The following GNAQ variants were observed in gnomAD, a reference collection of about 807,000 sequenced individuals.
The protein encoded by GNAQ is G protein subunit alpha q.
GNAQ carries 8 observed loss-of-function variants against 43.9 expected under a neutral mutation model. That is an observed-to-expected ratio of 0.18 (90% CI 0.11 to 0.33). The LOEUF (loss-of-function observed/expected upper bound fraction) is 0.33. Among genes scored for constraint, GNAQ ranks in the 10% least tolerant of loss-of-function variants. The probability of loss-of-function intolerance (pLI) is 1.00; values close to 1 mark genes in which losing one functional copy is unlikely to be tolerated. For missense variants in GNAQ, 158 were observed against 450.8 expected (o/e 0.35, Z 5.88); for synonymous variants, 155 against 170.7 (o/e 0.91, Z 0.71).
At chr9:77,765,762 T>C (rs1826125499) in intron 5 of GNAQ, among the ~76,000 whole-genome samples, 1 of 152,168 alleles carries the variant, frequency 6.6e-6, no homozygotes, top group Admixed American at 6.5e-5. Flanking sequence ...TCTGGGTGTA[T>C]ACCCAACAGA....
intron 2 of GNAQ, among the ~76,000 whole-genome samples, chr9:77,857,459 C>T (rs949591272): frequency 7.2e-6 from 1 of 137,940 alleles, no homozygotes; most frequent in African/African-American, 2.7e-5. Context: ...GGGGAGGGAA[C>T]AGGAAGGGAA....
rs757830722 is a variant in GNAQ at position 77,955,547 on chromosome 9, C to G, written c.137-33202G>C. On this transcript the variant is annotated intron_variant, in intron 1 of 6. Transcript: ENST00000286548. ...GCTATACTTTGTGTCTACTCCTATG[C>G]GAAACAAATCTATTAATGCAAAATT... 2.6e-5 allele frequency among the ~76,000 whole-genome samples: 4 copies of G among 152,064 alleles called. No homozygotes were observed. In the South Asian group the frequency reaches 8.3e-4, roughly 32 times the overall value.
chr9:77,993,821 T>A (rs1385396299), intron 1 of GNAQ, among the ~76,000 whole-genome samples: 1 of 152,156 alleles, frequency 6.6e-6, no homozygotes, highest in Non-Finnish European at 1.5e-5. Flanking sequence ...ACTTTAAATA[T>A]ATGAACACAT....
At chr9:77,890,338 A>G (rs1406589366) in intron 2 of GNAQ, among the ~76,000 whole-genome samples, 1 of 152,228 alleles carries the variant, frequency 6.6e-6, no homozygotes, top group Non-Finnish European at 1.5e-5. Flanking sequence ...ATGCCTAAGA[A>G]AGCTTTAGTA....
intron 1 of GNAQ, among the ~76,000 whole-genome samples, chr9:77,960,177 TTG>T (rs370838849): frequency 1.6e-4 from 25 of 152,312 alleles, no homozygotes; most frequent in East Asian, 9.6e-4. Flanking sequence ...CTTTCTTTTA[TTG>T]TGTTTTATTT....
intron 1 of GNAQ, among the ~76,000 whole-genome samples, chr9:77,970,731 A>G (rs536163740): frequency 1.1e-3 from 161 of 152,316 alleles, no homozygotes; most frequent in Non-Finnish European, 2.0e-3. Flanking sequence ...TAAAAGAACC[A>G]TAGACTCAAG....
intron 1 of GNAQ, among the ~76,000 whole-genome samples, chr9:78,004,807 G>A (rs1052370153): frequency 3.3e-5 from 5 of 152,012 alleles, no homozygotes; most frequent in Admixed American, 6.6e-5. Context: ...CACAGAGAGC[G>A]ATGGAGGAAA....
At chr9:77,985,202 G>C (rs1423085601) in intron 1 of GNAQ, among the ~76,000 whole-genome samples, 1 of 152,104 alleles carries the variant, frequency 6.6e-6, no homozygotes, top group Non-Finnish European at 1.5e-5. Context: ...CCCAGCTATA[G>C]GCTGGGAGGC....
rs150106001 is a variant in GNAQ at position 77,889,878 on chromosome 9, C to T, written c.321+32283G>A. Among the ~76,000 whole-genome samples, 498 of 152,224 alleles carry T rather than the reference C, an allele frequency of 3.3e-3. 5 individuals are homozygous for T. The highest frequency in any genetic ancestry group is 6.2e-3 in the Admixed American group (95 of 15,288). ...AATTTTAATAAACTGACATTTCATC[C>T]CAAATGAAGCTTTTGCTTCCATCTT... On this transcript the variant is annotated intron_variant, in intron 2 of 6. Coordinates refer to ENST00000286548, the MANE Select transcript of GNAQ (RefSeq NM_002072.5).
At chr9:77,777,561 G>T (rs768763899) in intron 5 of GNAQ, among the ~76,000 whole-genome samples, 1 of 151,950 alleles carries the variant, frequency 6.6e-6, no homozygotes, top group Non-Finnish European at 1.5e-5. Flanking sequence ...AATCCCTACA[G>T]AATATAATGT....
At chr9:77,797,735 A>C (rs2118457656) in intron 3 of GNAQ, 87 bp from the exon 4 acceptor site, 2 of 1,159,548 alleles carry the variant, frequency 1.7e-6, no homozygotes, top group Non-Finnish European at 2.5e-6. Flanking sequence ...AATGAGTCCT[A>C]ACAGAGAAGT....
At chr9:77,966,957 G>A (rs766996862) in intron 1 of GNAQ, among the ~76,000 whole-genome samples, 1 of 152,142 alleles carries the variant, frequency 6.6e-6, no homozygotes, top group South Asian at 2.1e-4. Flanking sequence ...ATTGCCCTAG[G>A]TTCGGGCAGT....
At chr9:77,768,425 T>A (rs1826167942) in intron 5 of GNAQ, among the ~76,000 whole-genome samples, 1 of 152,192 alleles carries the variant, frequency 6.6e-6, no homozygotes, top group African/African-American at 2.4e-5. Context: ...CCATGTGATA[T>A]TCAACTCAGA....
Position 78,031,350 on chromosome 9 carries a change from C to G in GNAQ, c.-115G>C. 2 of 765,258 alleles carry G rather than the reference C, an allele frequency of 2.6e-6. No homozygotes were observed. Among genetic ancestry groups the G allele is most frequent in the African/African-American group, 3.7e-5 (2 of 53,624 alleles). The allele number at this position is 765,258 out of a possible 1,614,324, so 47.4% of individuals were successfully genotyped here. A position where few individuals can be genotyped will look rare whatever the true frequency, so the allele number is the denominator to read the frequency against. On this transcript the variant is annotated 5_prime_UTR_variant, in exon 1 of 7. Coordinates refer to ENST00000286548, the MANE Select transcript of GNAQ (RefSeq NM_002072.5). ...CGGTGGCCGCCGAGCCCCCGCCGCC[C>G]GGGCGCGCGTCCGGGACGAGCTCCG... is the stretch of plus-strand genomic sequence containing the variant.
intron 1 of GNAQ, among the ~76,000 whole-genome samples, chr9:77,928,961 T>C (rs1022172026): frequency 6.6e-6 from 1 of 152,184 alleles, no homozygotes; most frequent in Non-Finnish European, 1.5e-5. Flanking sequence ...GACATCACAG[T>C]GAGCTGAGAT....
intron 1 of GNAQ, among the ~76,000 whole-genome samples, chr9:78,015,749 T>G (rs1042434366): frequency 6.6e-6 from 1 of 151,968 alleles, no homozygotes; most frequent in Non-Finnish European, 1.5e-5. Flanking sequence ...TTAAACTATA[T>G]TAAACAATCT....
chr9:78,010,221 C>A (rs764054407), intron 1 of GNAQ, among the ~76,000 whole-genome samples: 1 of 152,104 alleles, frequency 6.6e-6, no homozygotes, highest in Admixed American at 6.6e-5. Context: ...CAAGAACTCA[C>A]GATGGTTCAT....
intron 1 of GNAQ, among the ~76,000 whole-genome samples, chr9:77,974,308 C>T (rs1823273158): frequency 1.3e-5 from 2 of 152,142 alleles, no homozygotes; most frequent in Admixed American, 1.3e-4. Flanking sequence ...AGGTCCAGGG[C>T]ATTATAAAGT....
chr9:77,918,747 TC>T (rs1828953127), intron 2 of GNAQ, among the ~76,000 whole-genome samples: 1 of 152,152 alleles, frequency 6.6e-6, no homozygotes, highest in Non-Finnish European at 1.5e-5. Context: ...TCTGCCCTTC[TC>T]CCTTTCTGGA....
Sources: allele counts gnomAD v4.1 joint callset (sites outside exome capture counted in the v4.1 genomes callset), GRCh38; gene constraint gnomAD v4.1.1; transcripts MANE v1.5; gene names NCBI Gene and HGNC (gene_info 2026-07-23, HGNC 2026-07-21).